The following GALNT13 variants were observed in gnomAD, a reference collection of about 807,000 sequenced individuals.
The protein encoded by GALNT13 is UDP-GalNAc:polypeptide N-acetylgalactosaminyltransferase 13.
In GALNT13, 28 loss-of-function variants were observed where a neutral mutation model predicts 64.2. That is an observed-to-expected ratio of 0.44 (90% confidence interval 0.32 to 0.60). The LOEUF (loss-of-function observed/expected upper bound fraction) is 0.60, where lower values mean the gene tolerates loss of function less well. GALNT13 is among the 20% of genes least tolerant of loss of function. The pLI is 0.05. For missense variants in GALNT13, 577 were observed against 669.8 expected (o/e 0.86, Z 1.53); for synonymous variants, 214 against 224.6 (o/e 0.95, Z 0.42).
chr2:154,156,017 AT>A (rs1327734386), intron 4 of GALNT13, among the ~76,000 whole-genome samples: 3 of 149,196 alleles, frequency 2.0e-5, no homozygotes, highest in African/African-American at 5.1e-5. Flanking sequence ...GTCTTATTTT[AT>A]TTTTTCCCTA....
Position 154,324,206 on chromosome 2 carries a change from T to G in GALNT13, c.1156+22617T>G, listed in dbSNP as rs115405858. On this transcript the variant is annotated intron_variant, in intron 9 of 12. Transcript: ENST00000392825. ...TTTTTTTTTGTCTTTTGGTTTATGC[T>G]CTTGAATTTTTTTTAGAACATATTT... 9.1e-3 allele frequency among the ~76,000 whole-genome samples: 1,390 copies of G among 152,142 alleles called. 18 individuals are homozygous for G. The highest frequency in any genetic ancestry group is 0.029 in the African/African-American group (1,184 of 41,542).
the GALNT13 span, among the ~76,000 whole-genome samples, chr2:153,129,274 A>G: frequency 6.6e-6 from 1 of 152,162 alleles, no homozygotes; most frequent in African/African-American, 2.4e-5. Flanking sequence ...AGGCTAATCA[A>G]AGTCCTTCTA....
chr2:153,920,595 C>CCCAAAA lies in GALNT13; in HGVS notation c.-105+19592_-105+19597dup, dbSNP rs1163017761. 2.0e-5 allele frequency among the ~76,000 whole-genome samples: 3 copies of CCCAAAA among 152,008 alleles called. No homozygotes were observed. The South Asian group carries it at 6.2e-4, about 32-fold the overall frequency. ...CTGGCAAAGATTTTATAACAAAGATCCCAAAACCACTGCAACAAAAATAAA... is the reference window on the plus strand; with the variant it reads ...CTGGCAAAGATTTTATAACAAAGATCCCAAAACCAAAACCACTGCAACAAAAATAAA... On this transcript the variant is annotated intron_variant, in intron 2 of 12. Transcript: ENST00000392825.
chr2:153,211,663 G>A, the GALNT13 span, among the ~76,000 whole-genome samples: 2 of 152,160 alleles, frequency 1.3e-5, no homozygotes, highest in Non-Finnish European at 2.9e-5. Flanking sequence ...AGAATCAGCA[G>A]TATCAACATC....
At chr2:154,361,917 G>T (rs1489304830) in intron 9 of GALNT13, among the ~76,000 whole-genome samples, 1 of 151,892 alleles carries the variant, frequency 6.6e-6, no homozygotes, top group African/African-American at 2.4e-5. Flanking sequence ...ATTTATTTTG[G>T]AAAACTAATA....
At chr2:153,501,075 A>AT in the GALNT13 span, among the ~76,000 whole-genome samples, 41,974 of 151,756 alleles carry the variant, frequency 0.28, 6,476 homozygotes, top group East Asian at 0.55. Context: ...AAAAAAAAAA[A>AT]ATATATAAAT....
chr2:153,650,484 T>A, the GALNT13 span, among the ~76,000 whole-genome samples: 1 of 152,198 alleles, frequency 6.6e-6, no homozygotes, highest in Non-Finnish European at 1.5e-5. Context: ...AATATTGTTA[T>A]GTGTGAATTT....
the GALNT13 span, among the ~76,000 whole-genome samples, chr2:153,763,111 ATTG>A: frequency 1.3e-5 from 2 of 151,922 alleles, no homozygotes; most frequent in Non-Finnish European, 2.9e-5. Flanking sequence ...AATTTTACCT[ATTG>A]TTGTTTTGAT....
rs796704468 is a variant in GALNT13 at position 153,924,949 on chromosome 2, G to A, written c.-104-19445G>A. Among the ~76,000 whole-genome samples, 14 of 152,042 alleles carry A rather than the reference G, an allele frequency of 9.2e-5. 1 individual carries two copies. Among genetic ancestry groups the A allele is most frequent in the African/African-American group, 3.4e-4 (14 of 41,512 alleles). Reference sequence around the variant, plus strand: ...TGCTTAAGTTCCTTATAGATGTTAGGTATTAGGCCTTTGTCAGATGGATAG... The same window carrying A: ...TGCTTAAGTTCCTTATAGATGTTAGATATTAGGCCTTTGTCAGATGGATAG... On this transcript the variant is annotated intron_variant, in intron 2 of 12. Coordinates refer to ENST00000392825, the MANE Select transcript of GALNT13 (RefSeq NM_052917.4).
the GALNT13 span, among the ~76,000 whole-genome samples, chr2:153,464,407 C>T: frequency 6.6e-6 from 1 of 152,124 alleles, no homozygotes; most frequent in East Asian, 1.9e-4. Flanking sequence ...ATTTTTAAGT[C>T]TAAGTTTGAA....
chr2:153,403,287 T>C, the GALNT13 span, among the ~76,000 whole-genome samples: 40 of 151,758 alleles, frequency 2.6e-4, no homozygotes, highest in African/African-American at 9.4e-4. Context: ...CTGCCCGTTC[T>C]CAGATCTCCA....
the GALNT13 span, among the ~76,000 whole-genome samples, chr2:153,432,716 G>C: frequency 6.6e-6 from 1 of 151,864 alleles, no homozygotes; most frequent in African/African-American, 2.4e-5. Flanking sequence ...TTTTGGCTGG[G>C]GGGTGGGGAG....
intron 3 of GALNT13, among the ~76,000 whole-genome samples, chr2:153,992,043 C>A (rs1695191613): frequency 6.6e-6 from 1 of 151,978 alleles, no homozygotes; most frequent in Non-Finnish European, 1.5e-5. Context: ...TAATTGTTAC[C>A]CTTTTAAAGG....
the GALNT13 span, among the ~76,000 whole-genome samples, chr2:153,826,928 CAG>C: frequency 6.6e-6 from 1 of 151,912 alleles, no homozygotes; most frequent in African/African-American, 2.4e-5. Context: ...ACCAGAGAGA[CAG>C]AATGAAACAG....
intron 2 of GALNT13, among the ~76,000 whole-genome samples, chr2:153,918,636 C>A (rs149100226): frequency 1.3e-4 from 20 of 152,256 alleles, no homozygotes; most frequent in African/African-American, 3.8e-4. Context: ...TAAACCAATT[C>A]TTTCATCAGT....
the GALNT13 span, among the ~76,000 whole-genome samples, chr2:153,781,571 A>T: frequency 2.6e-5 from 4 of 152,136 alleles, no homozygotes; most frequent in African/African-American, 9.7e-5. Flanking sequence ...TGGCAACGAA[A>T]ACTCTCTGCC....
At chr2:154,227,378 G>A (rs1241819074) in intron 4 of GALNT13, among the ~76,000 whole-genome samples, 2 of 150,426 alleles carry the variant, frequency 1.3e-5, no homozygotes, top group African/African-American at 4.9e-5. Flanking sequence ...TGTGCATAAC[G>A]TGCAGGTTAG....
At chr2:154,059,896 G>C (rs747653342) in intron 3 of GALNT13, among the ~76,000 whole-genome samples, 3 of 152,166 alleles carry the variant, frequency 2.0e-5, no homozygotes, top group Admixed American at 1.3e-4. Flanking sequence ...GTCAGCAAGG[G>C]ATGGTGAAGC....
the GALNT13 span, among the ~76,000 whole-genome samples, chr2:153,787,766 C>CA: frequency 6.6e-6 from 1 of 151,968 alleles, no homozygotes; most frequent in Non-Finnish European, 1.5e-5. Context: ...CTGATAGAAC[C>CA]AAAAAACATA....
Sources: gnomAD v4.1 joint callset for allele counts (sites outside exome capture counted in the v4.1 genomes callset) on GRCh38, gnomAD v4.1.1 for gene constraint, MANE v1.5 for transcripts, NCBI Gene and HGNC (gene_info 2026-07-23, HGNC 2026-07-21) for gene names.